The following TMPRSS15 variants were observed in gnomAD, a reference collection of about 807,000 sequenced individuals.
TMPRSS15 encodes transmembrane serine protease 15.
A neutral mutation model predicts 125.3 loss-of-function variants in TMPRSS15; 128 were observed. The ratio of observed to expected loss-of-function variants is 1.02; its 90% CI spans 0.89 to 1.18. The LOEUF (loss-of-function observed/expected upper bound fraction) is 1.18, where lower values mean the gene tolerates loss of function less well. Ranked by LOEUF, TMPRSS15 falls within the 50% of genes most tolerant of loss-of-function variation. The pLI is 0.00. For synonymous variants in TMPRSS15, 446 were observed against 423.2 expected (o/e 1.05, Z -0.66); for missense variants, 1,283 against 1,212.7 (o/e 1.06, Z -0.86).
chr21:18,468,980 G>T (rs1427950922), intron 1 of TMPRSS15, among the ~76,000 whole-genome samples: 1 of 152,116 alleles, frequency 6.6e-6, no homozygotes, highest in East Asian at 1.9e-4. Context: ...AAATCATTCT[G>T]GTGCTAATAA....
chr21:18,357,568 A>G (rs1375680578), intron 8 of TMPRSS15, among the ~76,000 whole-genome samples: 3 of 151,858 alleles, frequency 2.0e-5, no homozygotes, highest in Non-Finnish European at 2.9e-5. Flanking sequence ...TTGAGATTGT[A>G]TATTTTGAAT....
chr21:18,301,936 T>C (rs547980415), intron 18 of TMPRSS15, among the ~76,000 whole-genome samples: 3 of 152,306 alleles, frequency 2.0e-5, no homozygotes, highest in African/African-American at 7.2e-5. Context: ...AATATACTCA[T>C]AGATGAATTC....
At position 18,326,459 on chromosome 21, in the gene TMPRSS15, T is replaced by A; in HGVS notation, c.1894A>T (p.Thr632Ser). Residue 632 changes from threonine (T) to serine (S), a missense_variant, in exon 16 of 25, where the codon ACT becomes TCT. Physicochemically the swap from Thr to Ser is moderately conservative, Grantham distance 58. Coordinates refer to ENST00000284885, the MANE Select transcript of TMPRSS15 (RefSeq NM_002772.3). ...LARGGFKANF[T>S]TGYHLGIPEP... ...GGAATCCCCAAGTGATAGCCAGTAG[T>A]AAAGTTTGCTTTAAACCCTCCTCTT... is the stretch of plus-strand genomic sequence containing the variant. The A allele has an allele frequency of 1.2e-6, 2 of 1,614,178 alleles. No homozygotes were observed. Among genetic ancestry groups the A allele is most frequent in the East Asian group, 2.2e-5 (1 of 44,872 alleles).
chr21:18,418,924 T>G (rs2076186022), intron 1 of TMPRSS15, among the ~76,000 whole-genome samples: 1 of 152,214 alleles, frequency 6.6e-6, no homozygotes. Flanking sequence ...GCTATCATAC[T>G]GCTCTGAAAG....
intron 21 of TMPRSS15, among the ~76,000 whole-genome samples, chr21:18,286,429 T>C (rs1359246365): frequency 6.6e-6 from 1 of 152,228 alleles, no homozygotes; most frequent in African/African-American, 2.4e-5. Context: ...TGATACCAAC[T>C]TGGATGTCTA....
intron 16 of TMPRSS15, among the ~76,000 whole-genome samples, chr21:18,315,803 C>A (rs1179485881): frequency 6.9e-6 from 1 of 145,840 alleles, no homozygotes; most frequent in African/African-American, 2.6e-5. Context: ...TGTAACAAAC[C>A]TGCACGTTGT....
chr21:18,350,454 G>A (rs548692459), intron 10 of TMPRSS15, among the ~76,000 whole-genome samples: 1 of 152,148 alleles, frequency 6.6e-6, no homozygotes, highest in East Asian at 1.9e-4. Context: ...TGAGTCTCAT[G>A]ACCTCTTCTC....
intron 18 of TMPRSS15, among the ~76,000 whole-genome samples, chr21:18,306,758 A>T (rs1020010454): frequency 6.6e-6 from 1 of 152,208 alleles, no homozygotes; most frequent in African/African-American, 2.4e-5. Flanking sequence ...ATTTGCTAGG[A>T]AATACCATTA....
At chr21:18,341,261 G>C (rs933794962) in intron 13 of TMPRSS15, 152 bp downstream of exon 13, 2 of 884,486 alleles carry the variant, frequency 2.3e-6, no homozygotes, top group Non-Finnish European at 3.6e-6. Context: ...TGTAGAGACA[G>C]AGTCTCGCTG....
At chr21:18,402,389 C>A (rs375282134) in intron 1 of TMPRSS15, among the ~76,000 whole-genome samples, 1 of 151,888 alleles carries the variant, frequency 6.6e-6, no homozygotes, top group Non-Finnish European at 1.5e-5. Flanking sequence ...ATTAGCTGGG[C>A]GTGATGGCGC....
At chr21:18,448,245 T>G (rs2076259676) in intron 1 of TMPRSS15, among the ~76,000 whole-genome samples, 1 of 152,234 alleles carries the variant, frequency 6.6e-6, no homozygotes, top group East Asian at 1.9e-4. Context: ...TTGAGAATAC[T>G]GGTTATGCAT....
chr21:18,351,936 T>C (rs1429308390), intron 10 of TMPRSS15, among the ~76,000 whole-genome samples: 1 of 152,142 alleles, frequency 6.6e-6, no homozygotes, highest in East Asian at 1.9e-4. Flanking sequence ...ATATGACCTG[T>C]ATCCTTAATG....
At chr21:18,315,011 TCA>T in intron 17 of TMPRSS15, 133 bp downstream of exon 17, 1 of 741,852 alleles carries the variant, frequency 1.3e-6, no homozygotes, top group South Asian at 1.5e-5. Flanking sequence ...TAAAATCATC[TCA>T]GAGATGAGAT....
At chr21:18,422,058 A>G (rs2076193262) in intron 1 of TMPRSS15, among the ~76,000 whole-genome samples, 1 of 148,468 alleles carries the variant, frequency 6.7e-6, no homozygotes. Flanking sequence ...ACCTAGGCTC[A>G]CTGCAACCTC....
At chr21:18,380,785 A>G (rs894867130) in intron 4 of TMPRSS15, among the ~76,000 whole-genome samples, 4 of 152,118 alleles carry the variant, frequency 2.6e-5, no homozygotes, top group Non-Finnish European at 4.4e-5. Flanking sequence ...TATTCTCTCT[A>G]TGCAGTTTAC....
chr21:18,276,896 G>C (rs2074628968), intron 23 of TMPRSS15, among the ~76,000 whole-genome samples: 1 of 151,598 alleles, frequency 6.6e-6, no homozygotes, highest in African/African-American at 2.4e-5. Context: ...AGTAGCCTGG[G>C]ATTACAGGTG....
chr21:18,412,298 A>G (rs1014556607), intron 1 of TMPRSS15, among the ~76,000 whole-genome samples: 49 of 152,318 alleles, frequency 3.2e-4, no homozygotes, highest in African/African-American at 1.0e-3. Context: ...TGCTATCATC[A>G]CCAAAGTGTT....
chr21:18,393,154 G>A (rs958550129), intron 3 of TMPRSS15, among the ~76,000 whole-genome samples: 3 of 152,150 alleles, frequency 2.0e-5, no homozygotes, highest in African/African-American at 7.2e-5. Flanking sequence ...TTTGGTGACA[G>A]AGCCATGCAG....
rs530105870 is a variant in TMPRSS15, at chr21:18,305,980, C to G, written c.2165+6965G>C. On this transcript the variant is annotated intron_variant, in intron 18 of 24. Coordinates refer to ENST00000284885, the MANE Select transcript of TMPRSS15 (RefSeq NM_002772.3). ...CAACCTTGCCCAAAGCTTTTCTCAC[C>G]CACCCCACCACAGTAACATAGCTAA... Among the ~76,000 whole-genome samples the G allele has an allele frequency of 1.4e-3, 211 of 152,196 alleles. 2 individuals are homozygous for G. Among genetic ancestry groups the G allele is most frequent in the African/African-American group, 4.8e-3 (200 of 41,528 alleles).
Sources: allele counts gnomAD v4.1 joint callset (sites outside exome capture counted in the v4.1 genomes callset), GRCh38; gene constraint gnomAD v4.1.1; transcripts MANE v1.5; gene names NCBI Gene and HGNC (gene_info 2026-07-23, HGNC 2026-07-21).